Variants in DNAJC13 observed in about 807,000 individuals in gnomAD.
DNAJC13 encodes dnaJ homolog subfamily C member 13.
Under a neutral mutation model 290.5 loss-of-function variants are expected in DNAJC13, and 75 were observed. The observed-to-expected ratio is 0.26, with a 90% CI of 0.21 to 0.31. DNAJC13 has a LOEUF of 0.31. DNAJC13 is among the 10% of genes least tolerant of loss of function. DNAJC13 has a pLI of 1.00. For missense variants in DNAJC13, 2,260 were observed against 2,674.5 expected, an observed-to-expected ratio of 0.85 and a Z score of 3.42; for synonymous variants, 862 against 892.0, an observed-to-expected ratio of 0.97 and a Z score of 0.60.
intron 16 of DNAJC13, among the ~76,000 whole-genome samples, chr3:132,463,207 G>C (rs1042008867): frequency 2.0e-5 from 3 of 152,180 alleles, no homozygotes; most frequent in Non-Finnish European, 4.4e-5. Context: ...ATTAATCACA[G>C]AATTAGTATG....
intron 48 of DNAJC13, among the ~76,000 whole-genome samples, chr3:132,520,312 G>A (rs967982625): frequency 3.3e-5 from 5 of 152,190 alleles, no homozygotes; most frequent in African/African-American, 1.2e-4. Flanking sequence ...CAGGCCAGAT[G>A]TGACCCCTTT....
chr3:132,430,764 C>T (rs184316088), intron 1 of DNAJC13, among the ~76,000 whole-genome samples: 1 of 152,122 alleles, frequency 6.6e-6, no homozygotes, highest in East Asian at 1.9e-4. Context: ...AGATACTGCC[C>T]AGGTTTCTTT....
intron 42 of DNAJC13, 52 bp downstream of exon 42, chr3:132,505,467 TG>T: frequency 1.7e-6 from 2 of 1,187,920 alleles, no homozygotes; most frequent in Non-Finnish European, 2.5e-6. Context: ...ATGGAATCTC[TG>T]GAAGTACAGC....
At chr3:132,460,206 G>A in intron 13 of DNAJC13, 44 bp from the exon 14 acceptor site, 1 of 1,317,106 alleles carries the variant, frequency 7.6e-7, no homozygotes, top group Non-Finnish European at 1.1e-6. Flanking sequence ...CTAGCACATG[G>A]GACTGCTTAT....
chr3:132,472,132 A>G (rs1051762012), intron 20 of DNAJC13, among the ~76,000 whole-genome samples: 2 of 147,368 alleles, frequency 1.4e-5, no homozygotes, highest in Non-Finnish European at 3.0e-5. Flanking sequence ...GGCACTCGGC[A>G]GGCTGAGGCA....
Position 132,479,303 on chromosome 3 carries a change from G to T in DNAJC13, c.2772+14G>T. 1 of 1,544,490 alleles carries T rather than the reference G, an allele frequency of 6.5e-7. No homozygotes were observed. The highest frequency in any genetic ancestry group is 8.9e-7 in the Non-Finnish European group (1 of 1,119,206). ...ATCCTTAATAAGGTACAGTAGTTTC[G>T]CATACATACATTGTTATTTCCAAGT... On this transcript the variant is annotated intron_variant, in intron 25 of 55. Coordinates refer to ENST00000260818, the MANE Select transcript of DNAJC13 (RefSeq NM_015268.4).
At chr3:132,423,270 C>G (rs2107638791) in intron 1 of DNAJC13, among the ~76,000 whole-genome samples, 1 of 152,250 alleles carries the variant, frequency 6.6e-6, no homozygotes, top group South Asian at 2.1e-4. Context: ...CAAAGGAAGA[C>G]CCTGTCTCTT....
intron 20 of DNAJC13, among the ~76,000 whole-genome samples, chr3:132,471,356 C>A (rs1270062497): frequency 7.0e-6 from 1 of 142,964 alleles, no homozygotes; most frequent in African/African-American, 2.6e-5. Context: ...CCCCCCCCCA[C>A]CTCCCTCCCG....
At chr3:132,537,537 A>G (rs2061194) in intron 55 of DNAJC13, among the ~76,000 whole-genome samples, 89,379 of 152,152 alleles carry the variant, frequency 0.59, 28,491 homozygotes, top group East Asian at 0.87. Context: ...AAATGCTGGC[A>G]TATATGGCAT....
intron 39 of DNAJC13, among the ~76,000 whole-genome samples, chr3:132,501,721 A>G (rs867426048): frequency 6.6e-6 from 1 of 152,186 alleles, no homozygotes; most frequent in South Asian, 2.1e-4. Context: ...GGTAGATGAG[A>G]TAGATGACTG....
At chr3:132,427,275 A>G (rs1358317702) in intron 1 of DNAJC13, among the ~76,000 whole-genome samples, 1 of 151,698 alleles carries the variant, frequency 6.6e-6, no homozygotes, top group Non-Finnish European at 1.5e-5. Context: ...AGCTGGGACT[A>G]TAGGCCTGTG....
intron 41 of DNAJC13, 65 bp from the exon 42 acceptor site, chr3:132,505,237 T>G (rs1252815084): frequency 2.0e-6 from 2 of 1,014,566 alleles, no homozygotes; most frequent in Non-Finnish European, 3.0e-6. Context: ...TAGACATTTT[T>G]AATAAGTGAT....
chr3:132,484,252 T>C, intron 28 of DNAJC13: 1 of 341,664 alleles, frequency 2.9e-6, no homozygotes, highest in South Asian at 2.4e-5. Flanking sequence ...GGTTTAAATT[T>C]ATGTAACAAA....
At chr3:132,430,391 A>G (rs919045606) in intron 1 of DNAJC13, among the ~76,000 whole-genome samples, 1 of 151,820 alleles carries the variant, frequency 6.6e-6, no homozygotes, top group Non-Finnish European at 1.5e-5. Context: ...ATTCCCCCCT[A>G]TGGGTTTATT....
intron 44 of DNAJC13, 109 bp from the exon 45 acceptor site, chr3:132,512,899 G>A: frequency 2.2e-6 from 2 of 908,132 alleles, no homozygotes; most frequent in Non-Finnish European, 1.7e-6. Context: ...TTTAGAACCA[G>A]TTATCAGAGA....
At chr3:132,535,070 G>A (rs1936548279) in intron 55 of DNAJC13, among the ~76,000 whole-genome samples, 1 of 152,168 alleles carries the variant, frequency 6.6e-6, no homozygotes. Flanking sequence ...TGAAATCAAG[G>A]TTGCTGTGAC....
rs2107707803 is a variant in DNAJC13, at chr3:132,491,067, A to G, written c.3623+16A>G. 1 of 1,580,408 alleles carries G rather than the reference A, an allele frequency of 6.3e-7. No homozygotes were observed. The highest frequency in any genetic ancestry group is 1.4e-5 in the African/African-American group (1 of 73,118). ...GTGAAATGAGGTAAATAACCAGTTGACTGATTGATTTGTATTTTATAATTA... is the reference window on the plus strand; with the variant it reads ...GTGAAATGAGGTAAATAACCAGTTGGCTGATTGATTTGTATTTTATAATTA... On this transcript the variant is annotated intron_variant, in intron 32 of 55. Transcript: ENST00000260818.
chr3:132,533,010 C>T (rs1051266602), intron 55 of DNAJC13, among the ~76,000 whole-genome samples: 11 of 148,762 alleles, frequency 7.4e-5, no homozygotes, highest in Non-Finnish European at 1.0e-4. Flanking sequence ...CCACCCACCT[C>T]GGCCTCCCAA....
intron 42 of DNAJC13, 59 bp from the exon 43 acceptor site, chr3:132,507,178 A>G: frequency 9.0e-7 from 1 of 1,113,932 alleles, no homozygotes; most frequent in Non-Finnish European, 1.3e-6. Flanking sequence ...CTGTTAAGTT[A>G]TTAAACTGAA....
Sources: gnomAD v4.1 joint callset for allele counts (sites outside exome capture counted in the v4.1 genomes callset) on GRCh38, gnomAD v4.1.1 for gene constraint, MANE v1.5 for transcripts, NCBI Gene and HGNC (gene_info 2026-07-23, HGNC 2026-07-21) for gene names.